Variants in PSG9 observed in about 807,000 individuals in gnomAD.
PSG9 encodes the protein pregnancy-specific beta-1-glycoprotein 9.
Under a neutral mutation model 41.9 loss-of-function variants are expected in PSG9, and 49 were observed. That is an observed-to-expected ratio of 1.17 (90% confidence interval 0.93 to 1.48). The LOEUF (loss-of-function observed/expected upper bound fraction) is 1.48, where lower values mean the gene tolerates loss of function less well. PSG9 is among the 40% of genes most tolerant of loss of function. The probability of loss-of-function intolerance (pLI) is 0.00; values close to 1 mark genes in which losing one functional copy is unlikely to be tolerated. For synonymous variants in PSG9, 263 were observed against 196.8 expected (o/e 1.34, Z -2.82); for missense variants, 641 against 520.3 (o/e 1.23, Z -2.26).
intron 2 of PSG9, 32 bp downstream of exon 2, chr19:43,267,752 C>G (rs373267086): frequency 9.9e-6 from 16 of 1,612,366 alleles, no homozygotes; most frequent in South Asian, 8.8e-5. Context: ...CCCCTTCCCC[C>G]CAACACCCAG....
At chr19:43,263,851 A>C (rs1825156343) in intron 2 of PSG9, among the ~76,000 whole-genome samples, 1 of 152,168 alleles carries the variant, frequency 6.6e-6, no homozygotes, top group African/African-American at 2.4e-5. Context: ...AATTACATAA[A>C]GGGAGGAAGG....
At chr19:43,263,203 GTGT>G (rs1475562265) in intron 2 of PSG9, among the ~76,000 whole-genome samples, 1 of 152,164 alleles carries the variant, frequency 6.6e-6, no homozygotes, top group African/African-American at 2.4e-5. Context: ...GGGGAATAGG[GTGT>G]TGTTCCGTGG....
At chr19:43,265,648 T>C (rs181949134) in intron 2 of PSG9, among the ~76,000 whole-genome samples, 1 of 152,144 alleles carries the variant, frequency 6.6e-6, no homozygotes, top group African/African-American at 2.4e-5. Context: ...GTCCTCCTGT[T>C]TGGCAGACTT....
intron 2 of PSG9, among the ~76,000 whole-genome samples, chr19:43,266,624 G>A (rs1337466023): frequency 6.6e-6 from 1 of 152,126 alleles, no homozygotes; most frequent in African/African-American, 2.4e-5. Context: ...GATGGTTGAG[G>A]CAGGTGATTT....
At chr19:43,263,342 T>C (rs1199701532) in intron 2 of PSG9, among the ~76,000 whole-genome samples, 1 of 152,180 alleles carries the variant, frequency 6.6e-6, no homozygotes, top group East Asian at 1.9e-4. Context: ...TTTGGATTTC[T>C]AATTTTTTTT....
chr19:43,254,499 C>G (rs1968376477), intron 5 of PSG9, among the ~76,000 whole-genome samples: 1 of 146,142 alleles, frequency 6.8e-6, no homozygotes, highest in Non-Finnish European at 1.5e-5. Context: ...GAAGTTGAGT[C>G]TTGTGCAAGA....
intron 1 of PSG9, among the ~76,000 whole-genome samples, chr19:43,268,751 C>T (rs1969105950): frequency 6.6e-6 from 1 of 151,986 alleles, no homozygotes; most frequent in Admixed American, 6.5e-5. Flanking sequence ...TTTTTTTTTC[C>T]CCCAATTGTT....
intron 5 of PSG9, among the ~76,000 whole-genome samples, chr19:43,256,246 A>G (rs1968440412): frequency 6.8e-6 from 1 of 146,758 alleles, no homozygotes; most frequent in Admixed American, 6.8e-5. Flanking sequence ...GAAAAACTAC[A>G]CAACTCTTAG....
chr19:43,257,848 G>GAA lies in PSG9; in HGVS notation c.1243+352_1243+353dup. ...CTTGTAGCTCATGGAATAGGTACAA[G>GAA]AAAAAAAAGACGTGGCAGAAGGGGA... On this transcript the variant is annotated intron_variant, in intron 5 of 5. Transcript: ENST00000270077. 3 of 1,373,888 alleles carry GAA rather than the reference G, an allele frequency of 2.2e-6. No individual in the cohort carries two copies. The African/African-American group carries it at 4.7e-5, about 22-fold the overall frequency. 85.1% of individuals were successfully genotyped at this position (1,373,888 alleles called of 1,614,324 possible).
In PSG9 at chr19:43,253,615, CTG is replaced by C; in HGVS notation, c.1273_1274del (p.Gln425ValfsTer15). The C allele has an allele frequency of 1.1e-6, 1 of 899,608 alleles. No individual in the cohort carries two copies. Among genetic ancestry groups the C allele is most frequent in the South Asian group, 1.4e-5 (1 of 73,644 alleles). The allele number at this position is 899,608 out of a possible 1,614,324, so 55.7% of individuals were successfully genotyped here. A position where few individuals can be genotyped will look rare whatever the true frequency, so the allele number is the denominator to read the frequency against. On this transcript the variant is annotated frameshift_variant, in exon 6 of 6. Coordinates refer to ENST00000270077, the MANE Select transcript of PSG9 (RefSeq NM_002784.5). LOFTEE classifies it high-confidence loss of function. ...AGTGTCTCAGTTGTTGCAGTCATGA[CTG>C]AGACTCTGTCAGGTCTCCATGGCAG... ...GPCHGDLTESQS is the reference protein window; with the variant it reads ...GPCHGDLTESXS
Position 43,268,003 on chromosome 19 carries a change from C to G in PSG9, c.211G>C (p.Glu71Gln), listed in dbSNP as rs1192428030. ...NLPGYFWYKGEMTDLYHYIIS... is the reference protein window; with the variant it reads ...NLPGYFWYKGQMTDLYHYIIS... ...ATGTAATGGTAGAGGTCCGTCATTT[C>G]CCCTTTGTACCAGAAGTAGCCAGGA... The change falls in exon 2 of 6, where the codon GAA (glutamate) becomes CAA (glutamine). Residue 71 changes from glutamate to glutamine, a missense_variant. By Grantham distance (29) the Glu-to-Gln change is conservative. Coordinates refer to ENST00000270077, the MANE Select transcript of PSG9 (RefSeq NM_002784.5). 6.2e-7 allele frequency: 1 copy of G among 1,613,826 alleles called. No individual in the cohort carries two copies. The highest frequency in any genetic ancestry group is 8.5e-7 in the Non-Finnish European group (1 of 1,179,884).
At chr19:43,266,238 G>C (rs1968961252) in intron 2 of PSG9, among the ~76,000 whole-genome samples, 1 of 152,024 alleles carries the variant, frequency 6.6e-6, no homozygotes, top group Non-Finnish European at 1.5e-5. Flanking sequence ...AAGAGCTTCA[G>C]AGTTACATGA....
In PSG9 at chr19:43,258,380, G is replaced by A. The variant is rs1447328663; in HGVS notation, c.1065C>T (p.Phe355=). 4 of 1,592,818 alleles carry A rather than the reference G, an allele frequency of 2.5e-6. No individual in the cohort carries two copies. The highest frequency in any genetic ancestry group is 1.4e-5 in the African/African-American group (1 of 70,992). The change falls in exon 5 of 6, where the codon TTC becomes TTT. Residue 355 remains phenylalanine (F), a synonymous_variant. Coordinates refer to ENST00000270077, the MANE Select transcript of PSG9 (RefSeq NM_002784.5). ...RSGENLDLSC[F]TESNPPAEYF... is the part of the protein sequence containing the mutation. ...ACTCTGCCGGTGGGTTAGATTCCGT[G>A]AAGCAGGACAAGTCGAGGTTTTCTC...
chr19:43,259,112 T>C lies in PSG9; in HGVS notation c.733A>G (p.Thr245Ala). ...TCCCTGGGGTTTAAGTTGTTGATGG[T>C]GATGTAGGGGATGGGCAGCTTCGCT... ...LLPKLPIPYI[T>A]INNLNPRENK... Residue 245 changes from threonine (T) to alanine (A), a missense_variant, in exon 4 of 6, where the codon ACC (threonine) becomes GCC (alanine). Physicochemically the swap from Thr to Ala is moderately conservative, Grantham distance 58. Coordinates refer to ENST00000270077, the MANE Select transcript of PSG9 (RefSeq NM_002784.5). The C allele has an allele frequency of 2.5e-6, 4 of 1,590,412 alleles. No individual in the cohort carries two copies. The highest frequency in any genetic ancestry group is 3.4e-6 in the Non-Finnish European group (4 of 1,174,286).
intron 2 of PSG9, among the ~76,000 whole-genome samples, chr19:43,265,527 A>C (rs765252376): frequency 6.6e-6 from 1 of 151,882 alleles, no homozygotes; most frequent in Non-Finnish European, 1.5e-5. Flanking sequence ...TGATTCCATC[A>C]CCAAACAATC....
Position 43,258,573 on chromosome 19 carries a change from A to G in PSG9, c.989-117T>C, listed in dbSNP as rs1212362450. 5.6e-6 allele frequency: 8 copies of G among 1,417,504 alleles called. 1 individual carries two copies. The highest frequency in any genetic ancestry group is 1.7e-5 in the African/African-American group (1 of 59,988). The allele number at this position is 1,417,504 out of a possible 1,614,324, so 87.8% of individuals were successfully genotyped here. ...AAGACACACCCTCAAGTCCCAGCCA[A>G]AGTCCCTCTATGTTCACTGAGCTGA... On this transcript the variant is annotated intron_variant, in intron 4 of 5. Coordinates refer to ENST00000270077, the MANE Select transcript of PSG9 (RefSeq NM_002784.5).
intron 5 of PSG9, among the ~76,000 whole-genome samples, chr19:43,255,072 G>T (rs1968397255): frequency 7.2e-6 from 1 of 138,056 alleles, no homozygotes; most frequent in African/African-American, 2.9e-5. Flanking sequence ...TCCTGGGCTG[G>T]CCTACAGAGT....
Position 43,258,237 on chromosome 19 carries a change from T to C in PSG9, c.1208A>G (p.Lys403Arg). The C allele has an allele frequency of 6.3e-7, 1 of 1,592,990 alleles. No homozygotes were observed. The highest frequency in any genetic ancestry group is 8.5e-7 in the Non-Finnish European group (1 of 1,174,548). ...GACTGTCATGGATTTGGAGATTTCC[T>C]TGCCAGTGGCTGAGTTATGAACAGA... is the stretch of plus-strand genomic sequence containing the variant. ...ACSVHNSATG[K>R]EISKSMTVKV... The change falls in exon 5 of 6, where the codon AAG (lysine) becomes AGG (arginine). Residue 403 changes from lysine (K) to arginine (R), a missense_variant. Physicochemically the swap from Lys to Arg is conservative, Grantham distance 26 (BLOSUM62 2). Transcript: ENST00000270077.
At chr19:43,264,032 G>C (rs1183290098) in intron 2 of PSG9, among the ~76,000 whole-genome samples, 4 of 152,082 alleles carry the variant, frequency 2.6e-5, no homozygotes, top group African/African-American at 9.7e-5. Context: ...ATTTAAGTCT[G>C]TGTGAATCAG....
Sources: allele counts gnomAD v4.1 joint callset (sites outside exome capture counted in the v4.1 genomes callset), GRCh38; gene constraint gnomAD v4.1.1; transcripts MANE v1.5; gene names NCBI Gene and HGNC (gene_info 2026-07-23, HGNC 2026-07-21).